PCDH15: variants seen among roughly 807,000 people sequenced by gnomAD.
The protein encoded by PCDH15 is protocadherin related 15, also known as protocadherin-15.
PCDH15 carries 129 observed loss-of-function variants against 178.5 expected under a neutral mutation model. The ratio of observed to expected loss-of-function variants is 0.72; its 90% CI spans 0.63 to 0.84. The LOEUF (loss-of-function observed/expected upper bound fraction) is 0.84, where lower values mean the gene tolerates loss of function less well. Among genes scored for constraint, PCDH15 ranks in the 40% least tolerant of loss-of-function variants. The pLI is 0.00. For synonymous variants in PCDH15, 800 were observed against 732.0 expected, an observed-to-expected ratio of 1.09 and a Z score of -1.50; for missense variants, 2,230 against 2,099.9, an observed-to-expected ratio of 1.06 and a Z score of -1.21.
chr10:55,271,372 GA>G (rs945573327), intron 1 of PCDH15, among the ~76,000 whole-genome samples: 1 of 151,520 alleles, frequency 6.6e-6, no homozygotes, highest in Non-Finnish European at 1.5e-5. Context: ...TTGCCATAGA[GA>G]AAAAAAGGAT....
At chr10:55,112,311 G>A (rs1168604702) in intron 2 of PCDH15, among the ~76,000 whole-genome samples, 1 of 152,062 alleles carries the variant, frequency 6.6e-6, no homozygotes, top group Non-Finnish European at 1.5e-5. Flanking sequence ...GAGTTTTCTT[G>A]CCCTCTGTCC....
chr10:55,578,836 A>G (rs1842548365), intron 2 of PCDH15, among the ~76,000 whole-genome samples: 1 of 152,134 alleles, frequency 6.6e-6, no homozygotes, highest in Non-Finnish European at 1.5e-5. Context: ...TAAAACCATC[A>G]GATCTCGTGA....
chr10:53,915,076 A>G (rs2083427479), intron 25 of PCDH15, among the ~76,000 whole-genome samples: 1 of 152,220 alleles, frequency 6.6e-6, no homozygotes, highest in South Asian at 2.1e-4. Context: ...ATATTTTTGA[A>G]TATACAGGTG....
intron 3 of PCDH15, among the ~76,000 whole-genome samples, chr10:54,389,396 A>C (rs1950272110): frequency 6.6e-6 from 1 of 152,166 alleles, no homozygotes; most frequent in South Asian, 2.1e-4. Context: ...TCACCTAGAG[A>C]TCTTGTTAGA....
intron 2 of PCDH15, among the ~76,000 whole-genome samples, chr10:55,046,896 A>G (rs1164146547): frequency 6.6e-6 from 1 of 152,004 alleles, no homozygotes; most frequent in Non-Finnish European, 1.5e-5. Flanking sequence ...TCACATCTCA[A>G]TACATTATTA....
intron 2 of PCDH15, among the ~76,000 whole-genome samples, chr10:55,620,385 T>C (rs183076746): frequency 1.4e-3 from 214 of 152,166 alleles, no homozygotes; most frequent in African/African-American, 4.6e-3. Flanking sequence ...AAATAGAGAA[T>C]AGATTATATT....
chr10:55,203,965 AT>A (rs993839405), intron 1 of PCDH15, among the ~76,000 whole-genome samples: 1 of 151,890 alleles, frequency 6.6e-6, no homozygotes, highest in African/African-American at 2.4e-5. Context: ...AATCCCAGCA[AT>A]TTGGGAGGCT....
intron 2 of PCDH15, among the ~76,000 whole-genome samples, chr10:55,357,818 A>G (rs1845117847): frequency 6.6e-6 from 1 of 152,060 alleles, no homozygotes; most frequent in African/African-American, 2.4e-5. Context: ...AAAGTGCTCA[A>G]ACTCAATACA....
At chr10:54,875,949 C>T (rs1451296848) in intron 3 of PCDH15, among the ~76,000 whole-genome samples, 1 of 152,084 alleles carries the variant, frequency 6.6e-6, no homozygotes, top group Non-Finnish European at 1.5e-5. Flanking sequence ...ATGAAAGAAC[C>T]TTCCATTGAA....
At chr10:55,540,888 T>C (rs536295113) in intron 2 of PCDH15, among the ~76,000 whole-genome samples, 1 of 152,216 alleles carries the variant, frequency 6.6e-6, no homozygotes, top group Admixed American at 6.5e-5. Context: ...AAATACTACA[T>C]ATAACGTCTG....
At chr10:54,128,515 G>C (rs913229623) in intron 15 of PCDH15, among the ~76,000 whole-genome samples, 1 of 152,110 alleles carries the variant, frequency 6.6e-6, no homozygotes, top group African/African-American at 2.4e-5. Flanking sequence ...ATTGAATGGT[G>C]ATCTTCCCTG....
chr10:55,228,859 G>T (rs1391085238), intron 1 of PCDH15, among the ~76,000 whole-genome samples: 1 of 151,638 alleles, frequency 6.6e-6, no homozygotes, highest in Non-Finnish European at 1.5e-5. Context: ...CAAAATAGTA[G>T]TACTTATCAT....
intron 2 of PCDH15, among the ~76,000 whole-genome samples, chr10:54,603,420 T>C (rs2092622708): frequency 6.6e-6 from 1 of 151,884 alleles, no homozygotes; most frequent in Non-Finnish European, 1.5e-5. Context: ...TTTCTGATAA[T>C]ATTTGGGTTA....
chr10:55,148,791 T>A (rs934006423), intron 2 of PCDH15, among the ~76,000 whole-genome samples: 1 of 150,360 alleles, frequency 6.7e-6, no homozygotes, highest in African/African-American at 2.4e-5. Flanking sequence ...AAATCTTATA[T>A]ATAAAACATG....
chr10:54,210,329 C>T (rs188207362), intron 10 of PCDH15, among the ~76,000 whole-genome samples: 237 of 152,142 alleles, frequency 1.6e-3, no homozygotes, highest in African/African-American at 5.2e-3. Context: ...AAAAGATTTA[C>T]TGTGCCAGGG....
intron 2 of PCDH15, among the ~76,000 whole-genome samples, chr10:54,959,096 T>G (rs1431785098): frequency 6.7e-6 from 1 of 150,188 alleles, no homozygotes; most frequent in Non-Finnish European, 1.5e-5. Context: ...AATCCAGGAG[T>G]TCACAGTGAT....
chr10:54,189,270 T>A (rs570807014), intron 11 of PCDH15: 1 of 913,406 alleles, frequency 1.1e-6, no homozygotes. Context: ...AATGAAGTAA[T>A]ACCTACGTGT....
At chr10:54,212,758 T>G (rs1364943637) in intron 10 of PCDH15, among the ~76,000 whole-genome samples, 3 of 152,162 alleles carry the variant, frequency 2.0e-5, no homozygotes, top group Non-Finnish European at 2.9e-5. Flanking sequence ...TAAGGACATA[T>G]CTATTAATTG....
chr10:55,256,943 C>T (rs1842015704), intron 1 of PCDH15, among the ~76,000 whole-genome samples: 2 of 152,338 alleles, frequency 1.3e-5, no homozygotes, highest in South Asian at 4.1e-4. Context: ...GGGTCCCTGA[C>T]CCCTGAGTAG....
Sources: allele counts gnomAD v4.1 joint callset (sites outside exome capture counted in the v4.1 genomes callset), GRCh38; gene constraint gnomAD v4.1.1; transcripts MANE v1.5; gene names NCBI Gene and HGNC (gene_info 2026-07-23, HGNC 2026-07-21).